The following SPEN variants were observed in gnomAD, a reference collection of about 807,000 sequenced individuals.
The protein encoded by SPEN is msx2-interacting protein.
SPEN carries 18 observed loss-of-function variants against 269.9 expected under a neutral mutation model. The ratio of observed to expected loss-of-function variants is 0.07; its 90% confidence interval spans 0.05 to 0.10. SPEN has a LOEUF of 0.10. SPEN is among the 10% of genes least tolerant of loss of function. The probability of loss-of-function intolerance (pLI) is 1.00; values close to 1 mark genes in which losing one functional copy is unlikely to be tolerated. For missense variants in SPEN, 3,822 were observed against 4,631.2 expected (o/e 0.83, Z 5.07); for synonymous variants, 1,726 against 1,765.7 (o/e 0.98, Z 0.56).
At chr1:15,872,721 C>CTA in intron 1 of SPEN, 95 bp from the exon 2 acceptor site, 1 of 971,150 alleles carries the variant, frequency 1.0e-6, no homozygotes, top group Admixed American at 2.8e-5. Flanking sequence ...GTCGTCCCTC[C>CTA]TACATACATA....
At chr1:15,906,980 T>C (rs1456585419) in intron 3 of SPEN, among the ~76,000 whole-genome samples, 1 of 151,866 alleles carries the variant, frequency 6.6e-6, no homozygotes, top group African/African-American at 2.4e-5. Flanking sequence ...GGTGTTGCTA[T>C]GTTGACCAGG....
At position 15,937,769 on chromosome 1, in the gene SPEN, G is replaced by A. The variant is rs848213; in HGVS notation, c.10510-43G>A. ...CTGGCTGTGTCCAGCATGGCTCAGCGAGGGGCCATGAGCTCACTTCCTGTT... is the reference window on the plus strand; with the variant it reads ...CTGGCTGTGTCCAGCATGGCTCAGCAAGGGGCCATGAGCTCACTTCCTGTT... On this transcript the variant is annotated intron_variant, in intron 12 of 14. Transcript: ENST00000375759. The surrounding 1 kb of genome is among the most constrained non-coding windows in gnomAD (Gnocchi z 5.7). The A allele has an allele frequency of 0.12, 193,983 of 1,611,428 alleles. 13,865 individuals are homozygous for A. The highest frequency in any genetic ancestry group is 0.29 in the Admixed American group (17,409 of 59,028).
rs956955805 is a variant in SPEN, at chr1:15,940,159, G to C, written c.*732G>C. ...TAAAAAATCAAATCCCCCGACATAC[G>C]TTTTTTTTAATCTGTGCCAAAAATG... On this transcript the variant is annotated 3_prime_UTR_variant, in exon 15 of 15. Coordinates refer to ENST00000375759, the MANE Select transcript of SPEN (RefSeq NM_015001.3). The C allele has an allele frequency of 1.3e-5, 3 of 225,738 alleles. No individual in the cohort carries two copies. The highest frequency in any genetic ancestry group is 8.8e-6 in the Non-Finnish European group (1 of 113,796). The allele number at this position is 225,738 out of a possible 1,614,324, so 14.0% of individuals were successfully genotyped here.
intron 10 of SPEN, among the ~76,000 whole-genome samples, chr1:15,925,372 A>G (rs181613425): frequency 8.5e-5 from 13 of 152,308 alleles, no homozygotes; most frequent in African/African-American, 1.4e-4. Context: ...GACTTTCTGC[A>G]GTTCCTCAGA....
rs2071201293 is a variant in SPEN at position 15,929,558 on chromosome 1, C to T, written c.3318C>T (p.Pro1106=). Residue 1106 remains proline, a synonymous_variant, in exon 11 of 15, where the codon CCC becomes CCT. Coordinates refer to ENST00000375759, the MANE Select transcript of SPEN (RefSeq NM_015001.3). The surrounding 1 kb of genome is among the most constrained non-coding windows in gnomAD (Gnocchi z 5.8). ...VENQEVQSKK[P]IPSKPQLKQL... The stretch of plus-strand genomic sequence containing the variant: ...ATCAAGAAGTCCAATCAAAAAAGCC[C>T]ATTCCCTCAAAACCACAGCTCAAAC... 3 of 1,613,850 alleles carry T rather than the reference C, an allele frequency of 1.9e-6. No homozygotes were observed. Among genetic ancestry groups the T allele is most frequent in the African/African-American group, 1.3e-5 (1 of 74,892 alleles).
rs1404197854 is a variant in SPEN at position 15,928,960 on chromosome 1, C to T, written c.2720C>T (p.Thr907Ile). ...EKLKAKLDNDTVKSSALDQKL... is the reference protein window; with the variant it reads ...EKLKAKLDNDIVKSSALDQKL... ...TTGAAAGCCAAGCTTGATAATGACA[C>T]TGTCAAATCTTCTGCCCTGGACCAG... Residue 907 changes from threonine (T) to isoleucine (I), a missense_variant, in exon 11 of 15, where the codon ACT becomes ATT. Physicochemically the swap from Thr to Ile is moderately conservative, Grantham distance 89. Transcript: ENST00000375759. The surrounding 1 kb of genome is among the most constrained non-coding windows in gnomAD (Gnocchi z 5.7). 1 of 1,614,244 alleles carries T rather than the reference C, an allele frequency of 6.2e-7. No individual in the cohort carries two copies. Among genetic ancestry groups the T allele is most frequent in the African/African-American group, 1.3e-5 (1 of 75,060 alleles).
At chr1:15,858,893 G>T (rs1407508358) in intron 1 of SPEN, among the ~76,000 whole-genome samples, 2 of 152,278 alleles carry the variant, frequency 1.3e-5, no homozygotes, top group Middle Eastern at 3.4e-3. Context: ...GCAGTGAGCC[G>T]ATACTGCGCT....
Position 15,937,316 on chromosome 1 carries a change from G to T in SPEN, c.10180G>T (p.Gly3394Trp). The T allele has an allele frequency of 6.2e-7, 1 of 1,613,916 alleles. No homozygotes were observed. The highest frequency in any genetic ancestry group is 8.5e-7 in the Non-Finnish European group (1 of 1,180,002). Residue 3394 changes from glycine (G) to tryptophan (W), a missense_variant, in exon 12 of 15, where the codon GGG (glycine) becomes TGG (tryptophan). Gly to Trp is a radical substitution (Grantham distance 184, BLOSUM62 -2). Around this residue, in one of 16 missense-constraint regions of SPEN, gnomAD observed 359 missense variants for 377.3 expected, o/e 0.95. Coordinates refer to ENST00000375759, the MANE Select transcript of SPEN (RefSeq NM_015001.3). This position sits in a 1 kb window ranked among gnomAD's most constrained non-coding sequence, Gnocchi z 5.7. Reference sequence around the variant, plus strand: ...GCCTCAAGTGTCCCAGGAGGCAAAGGGGACCCAGACGGGAGTAGAGCAGCC... The same window carrying T: ...GCCTCAAGTGTCCCAGGAGGCAAAGTGGACCCAGACGGGAGTAGAGCAGCC... ...KMPQVSQEAK[G>W]TQTGVEQPRL...
intron 1 of SPEN, among the ~76,000 whole-genome samples, chr1:15,849,702 G>A (rs1158351874): frequency 6.6e-6 from 1 of 152,088 alleles, no homozygotes; most frequent in African/African-American, 2.4e-5. Context: ...AAGCAGATGG[G>A]AACTTTCTCT....
At chr1:15,885,703 A>G (rs2070730472) in intron 3 of SPEN, among the ~76,000 whole-genome samples, 1 of 152,256 alleles carries the variant, frequency 6.6e-6, no homozygotes, top group Admixed American at 6.5e-5. Context: ...TTACAAAAGA[A>G]TAAGCATTTG....
Position 15,930,234 on chromosome 1 carries a change from A to C in SPEN, c.3994A>C (p.Asn1332His), listed in dbSNP as rs761260862. The C allele has an allele frequency of 1.9e-6, 3 of 1,614,212 alleles. No individual in the cohort carries two copies. The highest frequency in any genetic ancestry group is 1.7e-6 in the Non-Finnish European group (2 of 1,180,026). ...DMAKIKLSVLNSEDELNRWDS... is the reference protein window; with the variant it reads ...DMAKIKLSVLHSEDELNRWDS... Reference sequence around the variant, plus strand: ...GGCCAAAATAAAACTATCTGTCTTGAATTCTGAAGATGAACTAAATCGTTG... The same window carrying C: ...GGCCAAAATAAAACTATCTGTCTTGCATTCTGAAGATGAACTAAATCGTTG... Residue 1332 changes from asparagine to histidine, a missense_variant, in exon 11 of 15, where the codon AAT (asparagine) becomes CAT (histidine). Transcript: ENST00000375759. This position sits in a 1 kb window ranked among gnomAD's most constrained non-coding sequence, Gnocchi z 5.3.
chr1:15,867,165 C>G (rs1057148152), intron 1 of SPEN, among the ~76,000 whole-genome samples: 1 of 152,124 alleles, frequency 6.6e-6, no homozygotes, highest in African/African-American at 2.4e-5. Flanking sequence ...TCTTCAGCCC[C>G]TGGCAATCTC....
At position 15,873,149 on chromosome 1, in the gene SPEN, G is replaced by A; in HGVS notation, c.404+13G>A. On this transcript the variant is annotated intron_variant, in intron 2 of 14. Transcript: ENST00000375759. ...GGAGACTTGATGGGTAAGTTCCAAGGTTTCTGTAGGCAGGTATTTTGTATT... is the reference window on the plus strand; with the variant it reads ...GGAGACTTGATGGGTAAGTTCCAAGATTTCTGTAGGCAGGTATTTTGTATT... The A allele has an allele frequency of 1.9e-6, 3 of 1,586,142 alleles. No homozygotes were observed. Among genetic ancestry groups the A allele is most frequent in the Non-Finnish European group, 2.6e-6 (3 of 1,161,750 alleles).
intron 3 of SPEN, among the ~76,000 whole-genome samples, chr1:15,899,159 G>GC (rs1043210542): frequency 6.6e-6 from 1 of 152,010 alleles, no homozygotes; most frequent in Non-Finnish European, 1.5e-5. Context: ...TCACATCCTT[G>GC]CATTTGTTAT....
Position 15,929,779 on chromosome 1 carries a change from A to G in SPEN, c.3539A>G (p.Gln1180Arg), listed in dbSNP as rs761804754. The G allele has an allele frequency of 1.2e-6, 2 of 1,614,236 alleles. No individual in the cohort carries two copies. Among genetic ancestry groups the G allele is most frequent in the East Asian group, 4.5e-5 (2 of 44,884 alleles). ...RKQMEQSRRKQQMEMEIAKSE... is the reference protein window; with the variant it reads ...RKQMEQSRRKRQMEMEIAKSE... ...CAAATGGAACAGAGTCGTAGGAAAC[A>G]GCAGATGGAAATGGAAATAGCCAAG... The change falls in exon 11 of 15, where the codon CAG becomes CGG. Residue 1180 changes from glutamine (Q) to arginine (R), a missense_variant. Physicochemically the swap from Gln to Arg is conservative, Grantham distance 43 (BLOSUM62 1). This residue lies in a region of SPEN where 46 missense variants were observed against 94.0 expected (regional missense o/e 0.49). Transcript: ENST00000375759. This position sits in a 1 kb window ranked among gnomAD's most constrained non-coding sequence, Gnocchi z 5.8.
At chr1:15,912,843 A>G (rs949326168) in intron 5 of SPEN, among the ~76,000 whole-genome samples, 9 of 152,202 alleles carry the variant, frequency 5.9e-5, no homozygotes, top group Non-Finnish European at 1.2e-4. Context: ...AATTATAATT[A>G]TTAAGTAAGG....
intron 3 of SPEN, among the ~76,000 whole-genome samples, chr1:15,890,813 A>G (rs954513543): frequency 6.6e-6 from 1 of 152,178 alleles, no homozygotes. Flanking sequence ...GGCAACTGCT[A>G]ATCTATCTCT....
chr1:15,922,477 T>G, intron 10 of SPEN, 128 bp downstream of exon 10: 1 of 622,006 alleles, frequency 1.6e-6, no homozygotes, highest in East Asian at 3.1e-5. Flanking sequence ...AGAATGCTTC[T>G]CTTTTATCAC....
intron 6 of SPEN, among the ~76,000 whole-genome samples, 177 bp downstream of exon 6, chr1:15,916,456 G>A (rs563321656): frequency 1.2e-4 from 18 of 151,260 alleles, no homozygotes; most frequent in African/African-American, 4.1e-4. Context: ...TTCTATATAC[G>A]TGTGTAAAAA....
Sources: allele counts gnomAD v4.1 joint callset (sites outside exome capture counted in the v4.1 genomes callset), GRCh38; gene constraint gnomAD v4.1.1; regional missense constraint gnomAD v4.1.1; non-coding constraint Gnocchi (gnomAD v3.1); transcripts MANE v1.5; gene names NCBI Gene and HGNC (gene_info 2026-07-23, HGNC 2026-07-21).